NKAIN3: variants seen among roughly 807,000 people sequenced by gnomAD.
The protein encoded by NKAIN3 is sodium/potassium transporting ATPase interacting 3, also known as sodium/potassium-transporting ATPase subunit beta-1-interacting protein 3.
NKAIN3 carries 25 observed loss-of-function variants against 30.2 expected under a neutral mutation model. The ratio of observed to expected loss-of-function variants is 0.83; its 90% CI spans 0.60 to 1.16. The LOEUF is 1.16. NKAIN3 is among the 50% of genes most tolerant of loss of function. NKAIN3 has a pLI of 0.00. For synonymous variants in NKAIN3, 91 were observed against 89.6 expected (o/e 1.02, Z -0.09); for missense variants, 225 against 254.1 (o/e 0.89, Z 0.78).
intron 1 of NKAIN3, among the ~76,000 whole-genome samples, chr8:62,305,025 T>C (rs9657031): frequency 0.3 from 44,972 of 150,182 alleles, 7,665 homozygotes; most frequent in Admixed American, 0.35. Flanking sequence ...TGAGAATAAT[T>C]ATCAGCTGGT....
intron 1 of NKAIN3, among the ~76,000 whole-genome samples, chr8:62,393,540 C>T (rs1817638051): frequency 6.6e-6 from 1 of 151,736 alleles, no homozygotes; most frequent in African/African-American, 2.4e-5. Context: ...TTTGATTCAT[C>T]TGATTTTGTT....
chr8:62,674,901 G>T (rs929201988), intron 3 of NKAIN3, among the ~76,000 whole-genome samples: 1 of 152,202 alleles, frequency 6.6e-6, no homozygotes, highest in Non-Finnish European at 1.5e-5. Flanking sequence ...TAATTAAAGT[G>T]GGGGACAGGT....
At position 62,265,209 on chromosome 8, in the gene NKAIN3, T is replaced by G. The variant is rs550453318; in HGVS notation, c.54+16082T>G. ...TACCTCGGGCTTGAGAGTACACGTA[T>G]CCTTCTTTCTACTACTTCTTTGCTT... On this transcript the variant is annotated intron_variant, in intron 1 of 6. Coordinates refer to ENST00000623646, the MANE Select transcript of NKAIN3 (RefSeq NM_001304533.3). 2.0e-4 allele frequency among the ~76,000 whole-genome samples: 31 copies of G among 152,356 alleles called. No homozygotes were observed. The East Asian group carries it at 5.6e-3, about 28-fold the overall frequency.
intron 1 of NKAIN3, among the ~76,000 whole-genome samples, chr8:62,568,366 A>G (rs1809821508): frequency 6.6e-6 from 1 of 152,190 alleles, no homozygotes; most frequent in Non-Finnish European, 1.5e-5. Context: ...AAAAAATTGA[A>G]GTGACAAATA....
rs376047959 is a variant in NKAIN3 at position 62,666,162 on chromosome 8, G to A, written c.273+76368G>A. On this transcript the variant is annotated intron_variant, in intron 3 of 6. Coordinates refer to ENST00000623646, the MANE Select transcript of NKAIN3 (RefSeq NM_001304533.3). ...CAGAAGGCAGAGGTTGAAGTGAGCC[G>A]AGATCACGCCACTGCACTCCAGGCT... is the stretch of plus-strand genomic sequence containing the variant. Among the ~76,000 whole-genome samples, 374 of 152,208 alleles carry A rather than the reference G, an allele frequency of 2.5e-3. 2 individuals carry two copies. Among genetic ancestry groups the A allele is most frequent in the African/African-American group, 8.4e-3 (347 of 41,542 alleles).
chr8:62,613,433 G>T (rs1407895358), intron 3 of NKAIN3, among the ~76,000 whole-genome samples: 1 of 151,972 alleles, frequency 6.6e-6, no homozygotes, highest in Admixed American at 6.6e-5. Context: ...CTTTTCTCTT[G>T]CTGCTTTTAT....
chr8:62,386,873 A>G (rs1195222569), intron 1 of NKAIN3, among the ~76,000 whole-genome samples: 1 of 151,622 alleles, frequency 6.6e-6, no homozygotes, highest in Non-Finnish European at 1.5e-5. Flanking sequence ...TATTGTGAGG[A>G]CCCAGTGAAA....
chr8:62,963,668 AG>A (rs1823631884), intron 6 of NKAIN3, among the ~76,000 whole-genome samples: 2 of 152,110 alleles, frequency 1.3e-5, no homozygotes, highest in African/African-American at 4.8e-5. Context: ...TTTCTCTTTT[AG>A]TTTAAATCCC....
At chr8:62,290,665 C>T (rs999378418) in intron 1 of NKAIN3, among the ~76,000 whole-genome samples, 2 of 152,096 alleles carry the variant, frequency 1.3e-5, no homozygotes, top group African/African-American at 4.8e-5. Flanking sequence ...AGGATTTTTG[C>T]ATCAATGTTC....
intron 1 of NKAIN3, among the ~76,000 whole-genome samples, chr8:62,531,490 G>A (rs1054482073): frequency 2.0e-5 from 3 of 152,144 alleles, no homozygotes; most frequent in Non-Finnish European, 4.4e-5. Context: ...TCAGTAGAAA[G>A]CCACACTGGG....
chr8:62,543,891 A>T (rs1808923024), intron 1 of NKAIN3, among the ~76,000 whole-genome samples: 1 of 152,138 alleles, frequency 6.6e-6, no homozygotes, highest in South Asian at 2.1e-4. Flanking sequence ...TATCAGTGCA[A>T]AAAGTAAAAC....
intron 1 of NKAIN3, among the ~76,000 whole-genome samples, chr8:62,269,249 G>A (rs749358099): frequency 5.9e-5 from 9 of 152,140 alleles, no homozygotes; most frequent in Non-Finnish European, 1.2e-4. Context: ...CTGTGCCTTA[G>A]CTAGGCTTTC....
At chr8:62,396,748 A>G (rs571555644) in intron 1 of NKAIN3, among the ~76,000 whole-genome samples, 232 of 152,288 alleles carry the variant, frequency 1.5e-3, no homozygotes, top group African/African-American at 5.3e-3. Flanking sequence ...TTGCCCCTGT[A>G]ACTATTCTTG....
chr8:62,762,895 T>A (rs1015232310), intron 4 of NKAIN3, among the ~76,000 whole-genome samples: 8 of 151,686 alleles, frequency 5.3e-5, no homozygotes, highest in African/African-American at 1.7e-4. Context: ...AAAAAAAAAA[T>A]TCAATAATTA....
chr8:62,501,903 A>T (rs541430289), intron 1 of NKAIN3, among the ~76,000 whole-genome samples: 2 of 152,320 alleles, frequency 1.3e-5, no homozygotes, highest in South Asian at 4.1e-4. Context: ...CATGCCTGGG[A>T]TACCACATTT....
chr8:62,791,370 T>C (rs564355704), intron 4 of NKAIN3, among the ~76,000 whole-genome samples: 2 of 152,260 alleles, frequency 1.3e-5, no homozygotes, highest in African/African-American at 4.8e-5. Flanking sequence ...ATGTGGGTAT[T>C]TTTGCAAATC....
intron 4 of NKAIN3, among the ~76,000 whole-genome samples, chr8:62,782,422 A>G (rs1817379023): frequency 6.6e-6 from 1 of 152,052 alleles, no homozygotes; most frequent in Non-Finnish European, 1.5e-5. Flanking sequence ...ACTACTGGGT[A>G]TTTATCCAAA....
chr8:62,876,318 T>C (rs1820791674), intron 4 of NKAIN3, among the ~76,000 whole-genome samples: 3 of 152,162 alleles, frequency 2.0e-5, no homozygotes, highest in African/African-American at 7.2e-5. Flanking sequence ...AAACAATAGA[T>C]ACTGGTGAGG....
intron 1 of NKAIN3, among the ~76,000 whole-genome samples, chr8:62,386,724 T>C (rs897811628): frequency 6.6e-6 from 1 of 152,226 alleles, no homozygotes; most frequent in Non-Finnish European, 1.5e-5. Context: ...CAATGCCTGT[T>C]GGTCTTAGAA....
Sources: gnomAD v4.1 joint callset for allele counts (sites outside exome capture counted in the v4.1 genomes callset) on GRCh38, gnomAD v4.1.1 for gene constraint, MANE v1.5 for transcripts, NCBI Gene and HGNC (gene_info 2026-07-23, HGNC 2026-07-21) for gene names.